The following RBFOX1 variants were observed in gnomAD, a reference collection of about 807,000 sequenced individuals.
RBFOX1 encodes RNA binding protein fox-1 homolog 1.
Under a neutral mutation model 57.7 loss-of-function variants are expected in RBFOX1, and 8 were observed. That is an observed-to-expected ratio of 0.14 (90% CI 0.08 to 0.25). RBFOX1 has a LOEUF of 0.25. RBFOX1 is among the 10% of genes least tolerant of loss of function. RBFOX1 has a pLI of 1.00. For synonymous variants in RBFOX1, 326 were observed against 222.4 expected (o/e 1.47, Z -4.15); for missense variants, 611 against 548.5 (o/e 1.11, Z -1.14).
chr16:5,909,853 G>C (rs1159694339), intron 4 of RBFOX1, among the ~76,000 whole-genome samples: 1 of 152,056 alleles, frequency 6.6e-6, no homozygotes, highest in East Asian at 1.9e-4. Context: ...GGAGTTTCGA[G>C]ACCAGCCTGA....
chr16:6,130,799 A>G (rs536171656), intron 1 of RBFOX1, among the ~76,000 whole-genome samples: 2 of 152,292 alleles, frequency 1.3e-5, no homozygotes, highest in South Asian at 4.1e-4. Context: ...GAATGATCAA[A>G]TGGTTAATTC....
intron 1 of RBFOX1, among the ~76,000 whole-genome samples, chr16:5,451,415 A>C (rs2068422739): frequency 6.6e-6 from 1 of 152,224 alleles, no homozygotes. Context: ...TTATATGAGA[A>C]TTTAAAAAAG....
At chr16:5,458,013 T>A (rs543904) in intron 1 of RBFOX1, among the ~76,000 whole-genome samples, 83,607 of 151,998 alleles carry the variant, frequency 0.55, 23,609 homozygotes, top group Middle Eastern at 0.61. Flanking sequence ...CTCTTTGCTG[T>A]CTTGGGGGTA....
At chr16:5,326,781 T>C (rs1221930129) in intron 1 of RBFOX1, among the ~76,000 whole-genome samples, 4 of 152,200 alleles carry the variant, frequency 2.6e-5, no homozygotes, top group African/African-American at 9.6e-5. Context: ...AGGGAACATA[T>C]CAGAAAGCCT....
intron 14 of RBFOX1, among the ~76,000 whole-genome samples, chr16:7,680,456 A>T (rs919536901): frequency 2.6e-5 from 4 of 152,148 alleles, no homozygotes; most frequent in Non-Finnish European, 5.9e-5. Context: ...ATGTCCCTCC[A>T]CGTCAGGGCT....
intron 3 of RBFOX1, among the ~76,000 whole-genome samples, chr16:6,904,162 C>T (rs2069176081): frequency 6.6e-6 from 1 of 152,172 alleles, no homozygotes; most frequent in Non-Finnish European, 1.5e-5. Context: ...GAAATGAAAG[C>T]TCTGTGTCTG....
At chr16:5,496,226 G>A (rs1390278564) in intron 2 of RBFOX1, among the ~76,000 whole-genome samples, 2 of 152,164 alleles carry the variant, frequency 1.3e-5, no homozygotes, top group East Asian at 1.9e-4. Context: ...CTTTTCTTGA[G>A]TGCATACTAT....
intron 3 of RBFOX1, among the ~76,000 whole-genome samples, chr16:5,769,862 C>T (rs1206485809): frequency 6.6e-6 from 1 of 152,124 alleles, no homozygotes; most frequent in African/African-American, 2.4e-5. Flanking sequence ...TTGAGCCACC[C>T]AATTTGTGGT....
intron 1 of RBFOX1, among the ~76,000 whole-genome samples, chr16:5,352,746 C>T (rs1341794351): frequency 6.6e-6 from 1 of 152,066 alleles, no homozygotes; most frequent in Non-Finnish European, 1.5e-5. Flanking sequence ...AGTTTAAAAT[C>T]AGCCTGGGCA....
At chr16:5,405,669 A>T (rs34499282) in intron 1 of RBFOX1, among the ~76,000 whole-genome samples, 20,966 of 152,198 alleles carry the variant, frequency 0.14, 1,618 homozygotes, top group Non-Finnish European at 0.17. Flanking sequence ...AGTTGGGTTC[A>T]TATTTTGGGT....
intron 3 of RBFOX1, among the ~76,000 whole-genome samples, chr16:6,839,527 C>G (rs182438858): frequency 6.6e-6 from 1 of 152,166 alleles, no homozygotes; most frequent in African/African-American, 2.4e-5. Flanking sequence ...AAATTTTAAT[C>G]AGACAGACAA....
intron 4 of RBFOX1, among the ~76,000 whole-genome samples, chr16:7,249,032 G>A (rs1244887270): frequency 1.3e-5 from 2 of 152,054 alleles, no homozygotes; most frequent in African/African-American, 2.4e-5. Context: ...ATACAGCACT[G>A]CTCTGCATAA....
intron 4 of RBFOX1, among the ~76,000 whole-genome samples, chr16:7,092,775 C>T (rs1316222755): frequency 6.6e-6 from 1 of 152,154 alleles, no homozygotes; most frequent in Non-Finnish European, 1.5e-5. Flanking sequence ...ATATTAATCA[C>T]CTGTTGATTG....
chr16:6,420,043 T>C (rs577877683), intron 2 of RBFOX1, among the ~76,000 whole-genome samples: 119 of 152,298 alleles, frequency 7.8e-4, no homozygotes, highest in African/African-American at 2.8e-3. Flanking sequence ...TTCAGGTTGT[T>C]TGTGACAATC....
chr16:5,329,756 T>C (rs1263307489), intron 1 of RBFOX1, among the ~76,000 whole-genome samples: 1 of 152,120 alleles, frequency 6.6e-6, no homozygotes, highest in Non-Finnish European at 1.5e-5. Flanking sequence ...TCCCAGCACT[T>C]TGGGAGGCTG....
At chr16:7,342,453 C>A (rs962572469) in intron 4 of RBFOX1, among the ~76,000 whole-genome samples, 1 of 152,164 alleles carries the variant, frequency 6.6e-6, no homozygotes, top group Non-Finnish European at 1.5e-5. Flanking sequence ...GGGAGCAATC[C>A]GATTTGACAA....
chr16:6,703,214 A>C (rs1454386250), intron 3 of RBFOX1, among the ~76,000 whole-genome samples: 2 of 152,174 alleles, frequency 1.3e-5, no homozygotes, highest in East Asian at 3.9e-4. Flanking sequence ...TGGCTACTGT[A>C]AATAATGCTT....
At chr16:6,105,167 T>C (rs1174322129) in intron 1 of RBFOX1, among the ~76,000 whole-genome samples, 1 of 152,238 alleles carries the variant, frequency 6.6e-6, no homozygotes, top group Non-Finnish European at 1.5e-5. Context: ...TTGTTTGATT[T>C]CTCAAAGCCC....
rs374702686 is a variant in RBFOX1 at position 7,051,727 on chromosome 16, G to A, written c.-15-330G>A. 7.2e-5 allele frequency among the ~76,000 whole-genome samples: 11 copies of A among 152,274 alleles called. No individual in the cohort carries two copies. In the East Asian group the frequency reaches 1.2e-3, roughly 16 times the overall value. The stretch of plus-strand genomic sequence containing the variant: ...TTCTTGCACCTGTGATATAGGGCAA[G>A]CTGGGGTTTTCAGGGAAAAGGGTGG... On this transcript the variant is annotated intron_variant, in intron 3 of 15. Transcript: ENST00000550418.
Sources: allele counts gnomAD v4.1 joint callset (sites outside exome capture counted in the v4.1 genomes callset), GRCh38; gene constraint gnomAD v4.1.1; transcripts MANE v1.5; gene names NCBI Gene and HGNC (gene_info 2026-07-23, HGNC 2026-07-21).